SWT1: variants seen among roughly 807,000 people sequenced by gnomAD.
The protein encoded by SWT1 is SWT1 RNA endoribonuclease homolog, also known as transcriptional protein SWT1.
In SWT1, 33 loss-of-function variants were observed where a neutral mutation model predicts 107.3. The ratio of observed to expected loss-of-function variants is 0.31; its 90% CI spans 0.23 to 0.41. The LOEUF is 0.41. Among genes scored for constraint, SWT1 ranks in the 10% least tolerant of loss-of-function variants. The pLI, the probability that SWT1 is intolerant of heterozygous loss-of-function variation, is 1.00. For missense variants in SWT1, 898 were observed against 1,028.9 expected (o/e 0.87, Z 1.74); for synonymous variants, 345 against 348.3 (o/e 0.99, Z 0.11).
chr1:185,227,077 T>TGTAA (rs1660125801), intron 15 of SWT1: 1 of 1,066,302 alleles, frequency 9.4e-7, no homozygotes, highest in Non-Finnish European at 1.4e-6. Flanking sequence ...AAATAGCACA[T>TGTAA]GTAATCTGCA....
At chr1:185,200,805 G>C (rs140638511) in intron 10 of SWT1, among the ~76,000 whole-genome samples, 1,766 of 152,316 alleles carry the variant, frequency 0.012, 26 homozygotes, top group African/African-American at 0.041. Flanking sequence ...GCTCTCTTCA[G>C]AGCCGGCAGG....
chr1:185,216,870 T>G (rs1659256108), intron 14 of SWT1, among the ~76,000 whole-genome samples: 2 of 150,990 alleles, frequency 1.3e-5, no homozygotes, highest in South Asian at 4.2e-4. Flanking sequence ...GAGAATTACC[T>G]GAACCCAGGA....
intron 13 of SWT1, among the ~76,000 whole-genome samples, chr1:185,207,122 C>T (rs1007141510): frequency 6.6e-6 from 1 of 151,980 alleles, no homozygotes; most frequent in Non-Finnish European, 1.5e-5. Flanking sequence ...AGACTTTTTT[C>T]GTTTCTTACA....
intron 16 of SWT1, 92 bp downstream of exon 16, chr1:185,231,800 CAT>C (rs2102571292): frequency 1.1e-6 from 1 of 929,318 alleles, no homozygotes; most frequent in East Asian, 2.5e-5. Context: ...CTAGGAGTCA[CAT>C]AGAATAGACC....
chr1:185,200,853 C>T (rs146685014), intron 10 of SWT1, among the ~76,000 whole-genome samples: 111 of 152,272 alleles, frequency 7.3e-4, no homozygotes, highest in African/African-American at 2.2e-3. Flanking sequence ...TGCCCACAGC[C>T]GCAGCTTCCC....
intron 10 of SWT1, among the ~76,000 whole-genome samples, chr1:185,193,440 T>C (rs932545668): frequency 1.3e-5 from 2 of 151,912 alleles, no homozygotes; most frequent in Non-Finnish European, 2.9e-5. Context: ...AGGTCTTCTA[T>C]AACCTTACTG....
chr1:185,173,440 C>A (rs1655261082), intron 4 of SWT1, among the ~76,000 whole-genome samples: 1 of 151,208 alleles, frequency 6.6e-6, no homozygotes, highest in African/African-American at 2.4e-5. Flanking sequence ...ATGCCTGTAG[C>A]CTCAGCACAC....
At chr1:185,162,055 A>G (rs1654194983) in intron 2 of SWT1, among the ~76,000 whole-genome samples, 1 of 152,142 alleles carries the variant, frequency 6.6e-6, no homozygotes, top group Admixed American at 6.5e-5. Context: ...TCTGATTACA[A>G]ATTTGGTCTC....
rs541053480 is a variant in SWT1, at chr1:185,212,005, A to G, written c.1973-2502A>G. ...CTCACTCATAGGTGGGAATTGAACA[A>G]TGAGAACACGTGGACACAGGAAGGG... On this transcript the variant is annotated intron_variant, in intron 13 of 18. Transcript: ENST00000367500. Among the ~76,000 whole-genome samples, 6 of 151,580 alleles carry G rather than the reference A, an allele frequency of 4.0e-5. No individual in the cohort carries two copies. In the South Asian group the frequency reaches 6.3e-4, roughly 16 times the overall value.
At chr1:185,259,595 A>G (rs1167855545) in intron 16 of SWT1, among the ~76,000 whole-genome samples, 2 of 152,046 alleles carry the variant, frequency 1.3e-5, no homozygotes, top group African/African-American at 4.8e-5. Flanking sequence ...AAATTGAGTG[A>G]CTCCTAGAGG....
chr1:185,245,936 T>G (rs1661575091), intron 16 of SWT1, among the ~76,000 whole-genome samples: 1 of 151,228 alleles, frequency 6.6e-6, no homozygotes, highest in Admixed American at 6.6e-5. Flanking sequence ...GCCTGGCTAA[T>G]TTTTGTATTT....
chr1:185,202,925 CTGG>C, intron 11 of SWT1, 126 bp downstream of exon 11: 1 of 478,504 alleles, frequency 2.1e-6, no homozygotes, highest in African/African-American at 2.0e-5. Flanking sequence ...GGAATACTTG[CTGG>C]CATGTAAGTC....
At chr1:185,261,907 G>A (rs1571651760) in intron 16 of SWT1, among the ~76,000 whole-genome samples, 1 of 152,086 alleles carries the variant, frequency 6.6e-6, no homozygotes, top group East Asian at 1.9e-4. Flanking sequence ...AAAAGTCTCT[G>A]CATCTAGTGA....
rs370043743 is a variant in SWT1 at position 185,215,602 on chromosome 1, G to A, written c.2121+947G>A. Among the ~76,000 whole-genome samples, 9 of 152,050 alleles carry A rather than the reference G, an allele frequency of 5.9e-5. No individual in the cohort carries two copies. In the East Asian group the frequency reaches 7.7e-4, roughly 13 times the overall value. On this transcript the variant is annotated intron_variant, in intron 14 of 18. Coordinates refer to ENST00000367500, the MANE Select transcript of SWT1 (RefSeq NM_017673.7). ...GGGTTTTACTCTGTCACCCTGGCAC[G>A]ATCAGGGCTCACTGCAACCTCCACC...
At chr1:185,184,151 AT>A in intron 7 of SWT1, 91 bp from the exon 8 acceptor site, 2 of 639,422 alleles carry the variant, frequency 3.1e-6, no homozygotes, top group South Asian at 4.3e-5. Flanking sequence ...TTTAAATTTA[AT>A]TGAATTTTCA....
intron 16 of SWT1, among the ~76,000 whole-genome samples, chr1:185,269,074 G>A (rs7539121): frequency 1.3e-5 from 2 of 151,856 alleles, no homozygotes; most frequent in Non-Finnish European, 2.9e-5. Context: ...GGATGGTCTC[G>A]ATCTCCTGAC....
chr1:185,290,379 C>A (rs1352709435), intron 18 of SWT1, among the ~76,000 whole-genome samples: 3 of 152,028 alleles, frequency 2.0e-5, no homozygotes, highest in African/African-American at 7.2e-5. Context: ...GAGTTCGAGG[C>A]CAGCCTGGGC....
At chr1:185,263,571 G>T (rs1663178473) in intron 16 of SWT1, 1 of 152,216 alleles carries the variant, frequency 6.6e-6, no homozygotes, top group Non-Finnish European at 1.5e-5. Flanking sequence ...TGTAGACAGA[G>T]TTTTAAAATT....
intron 14 of SWT1, among the ~76,000 whole-genome samples, chr1:185,217,247 A>G (rs933269509): frequency 8.5e-5 from 13 of 152,186 alleles, no homozygotes; most frequent in African/African-American, 3.1e-4. Flanking sequence ...CCTTTAAAAC[A>G]GGGGTCCACA....
Sources: gnomAD v4.1 joint callset for allele counts (sites outside exome capture counted in the v4.1 genomes callset) on GRCh38, gnomAD v4.1.1 for gene constraint, MANE v1.5 for transcripts, NCBI Gene and HGNC (gene_info 2026-07-23, HGNC 2026-07-21) for gene names.